NTRK2: variants seen among roughly 807,000 people sequenced by gnomAD.
NTRK2 encodes neurotrophic receptor tyrosine kinase 2.
NTRK2 carries 13 observed loss-of-function variants against 94.5 expected under a neutral mutation model. That is an observed-to-expected ratio of 0.14 (90% CI 0.09 to 0.22). The LOEUF is 0.22. Among genes scored for constraint, NTRK2 ranks in the 10% least tolerant of loss-of-function variants. NTRK2 has a pLI of 1.00. For missense variants in NTRK2, 639 were observed against 1,071.2 expected, an observed-to-expected ratio of 0.60 and a Z score of 5.63; for synonymous variants, 372 against 407.4, an observed-to-expected ratio of 0.91 and a Z score of 1.05.
chr9:84,830,168 G>A (rs1268266604), intron 12 of NTRK2, among the ~76,000 whole-genome samples: 1 of 152,182 alleles, frequency 6.6e-6, no homozygotes, highest in Non-Finnish European at 1.5e-5. Context: ...GGCAACGACA[G>A]CAGGTCAAGA....
chr9:84,794,438 G>A (rs1028745337), intron 12 of NTRK2, among the ~76,000 whole-genome samples: 3 of 152,132 alleles, frequency 2.0e-5, no homozygotes, highest in African/African-American at 7.2e-5. Context: ...TCATGGCATA[G>A]CCAAAAAACC....
At chr9:85,019,194 C>G (rs1832561425) in intron 17 of NTRK2, among the ~76,000 whole-genome samples, 1 of 152,162 alleles carries the variant, frequency 6.6e-6, no homozygotes, top group Non-Finnish European at 1.5e-5. Context: ...GGCAGAAACT[C>G]TATGCACCAT....
At chr9:84,708,614 C>T (rs185978867) in intron 5 of NTRK2, among the ~76,000 whole-genome samples, 5 of 152,300 alleles carry the variant, frequency 3.3e-5, no homozygotes, top group Non-Finnish European at 7.3e-5. Flanking sequence ...CATCCTAATG[C>T]AGAGGCTTTG....
At chr9:84,811,289 A>G in intron 12 of NTRK2, 1 of 1,066,192 alleles carries the variant, frequency 9.4e-7, no homozygotes, top group South Asian at 4.5e-5. Flanking sequence ...AACAAAACAA[A>G]ACAAAACAAA....
chr9:84,837,968 A>G (rs889166126), intron 12 of NTRK2, among the ~76,000 whole-genome samples: 25 of 152,232 alleles, frequency 1.6e-4, no homozygotes, highest in African/African-American at 5.8e-4. Flanking sequence ...TAATGGCATA[A>G]GACATGAAAT....
intron 13 of NTRK2, among the ~76,000 whole-genome samples, chr9:84,864,856 T>C (rs1039105370): frequency 6.6e-6 from 1 of 151,720 alleles, no homozygotes; most frequent in Admixed American, 6.6e-5. Flanking sequence ...TTCTCCTGTT[T>C]CAGCCCCCCG....
chr9:84,673,065 G>A (rs901726441), intron 2 of NTRK2, among the ~76,000 whole-genome samples: 4 of 152,202 alleles, frequency 2.6e-5, no homozygotes, highest in Admixed American at 1.3e-4. Context: ...AATTAGGTTA[G>A]TAATATTAGT....
chr9:84,788,057 A>AGCTT (rs2068303006), intron 12 of NTRK2, among the ~76,000 whole-genome samples: 2 of 152,206 alleles, frequency 1.3e-5, no homozygotes, highest in African/African-American at 4.8e-5. Context: ...AAAGCTAAAA[A>AGCTT]GCTTGGCATA....
chr9:84,781,841 C>T (rs2067600762), intron 12 of NTRK2, among the ~76,000 whole-genome samples: 1 of 152,126 alleles, frequency 6.6e-6, no homozygotes, highest in South Asian at 2.1e-4. Context: ...ACTAACTAAA[C>T]CCTTATTATG....
intron 12 of NTRK2, among the ~76,000 whole-genome samples, chr9:84,827,271 A>T (rs2073248296): frequency 6.6e-6 from 1 of 152,162 alleles, no homozygotes; most frequent in African/African-American, 2.4e-5. Context: ...AGCCCCTTGG[A>T]GAGTGTGTGT....
chr9:84,958,148 A>T (rs2808712), intron 17 of NTRK2, among the ~76,000 whole-genome samples: 76,449 of 151,896 alleles, frequency 0.5, 20,787 homozygotes, highest in East Asian at 0.62. Flanking sequence ...GGGTGATGAA[A>T]ATGTGCTAGA....
chr9:84,683,755 G>A (rs1031807237), intron 2 of NTRK2, among the ~76,000 whole-genome samples: 1 of 152,130 alleles, frequency 6.6e-6, no homozygotes, highest in Non-Finnish European at 1.5e-5. Flanking sequence ...GATCCTTGAG[G>A]AATCACCATG....
At chr9:84,785,420 G>A (rs772724270) in intron 12 of NTRK2, among the ~76,000 whole-genome samples, 1 of 152,192 alleles carries the variant, frequency 6.6e-6, no homozygotes, top group Non-Finnish European at 1.5e-5. Flanking sequence ...CATGTTTGAG[G>A]TGAGCCTGCT....
At chr9:84,845,726 C>T (rs190541974) in intron 12 of NTRK2, among the ~76,000 whole-genome samples, 127 of 152,088 alleles carry the variant, frequency 8.4e-4, no homozygotes, top group African/African-American at 2.7e-3. Flanking sequence ...CATGAGGATG[C>T]GAAAACATAC....
At chr9:84,810,671 A>C in intron 12 of NTRK2, 1 of 1,606,630 alleles carries the variant, frequency 6.2e-7, no homozygotes. Flanking sequence ...CTGTTGGCTT[A>C]TCCCGGGAAG....
intron 9 of NTRK2, among the ~76,000 whole-genome samples, chr9:84,736,967 T>A (rs1216027594): frequency 6.6e-6 from 1 of 152,190 alleles, no homozygotes; most frequent in African/African-American, 2.4e-5. Flanking sequence ...AGTGAGAAAA[T>A]ACTGTCGGCA....
chr9:84,999,245 T>C lies in NTRK2; in HGVS notation c.2173-20961T>C, dbSNP rs138186943. Among the ~76,000 whole-genome samples, 1,370 of 152,296 alleles carry C rather than the reference T, an allele frequency of 9.0e-3. 10 individuals carry two copies. Among genetic ancestry groups the C allele is most frequent in the South Asian group, 0.03 (143 of 4,826 alleles). ...TTTTCTCTTTTACAATTGCCTGGGC[T>C]CCTTGAAGCTTGTGATAACATGCAT... is the stretch of plus-strand genomic sequence containing the variant. On this transcript the variant is annotated intron_variant, in intron 17 of 18. Transcript: ENST00000277120.
chr9:84,738,776 G>T (rs933099923), intron 9 of NTRK2, among the ~76,000 whole-genome samples: 1 of 152,124 alleles, frequency 6.6e-6, no homozygotes, highest in African/African-American at 2.4e-5. Context: ...AGTATGCTTG[G>T]GAGAAATAAA....
intron 17 of NTRK2, among the ~76,000 whole-genome samples, chr9:84,959,127 A>C (rs942786731): frequency 5.3e-5 from 8 of 152,110 alleles, no homozygotes; most frequent in Non-Finnish European, 8.8e-5. Context: ...GCACCTTAGT[A>C]ATTTTTAAAA....
Sources: allele counts gnomAD v4.1 joint callset (sites outside exome capture counted in the v4.1 genomes callset), GRCh38; gene constraint gnomAD v4.1.1; transcripts MANE v1.5; gene names NCBI Gene and HGNC (gene_info 2026-07-23, HGNC 2026-07-21).